Variants in LRPPRC observed in about 807,000 individuals in gnomAD.
LRPPRC encodes the protein leucine rich pentatricopeptide repeat containing, also known as leucine-rich PPR motif-containing protein, mitochondrial.
LRPPRC carries 120 observed loss-of-function variants against 180.3 expected under a neutral mutation model. The ratio of observed to expected loss-of-function variants is 0.67; its 90% CI spans 0.57 to 0.77. The LOEUF is 0.77. LRPPRC is among the 30% of genes least tolerant of loss of function. The pLI is 0.00. For synonymous variants in LRPPRC, 723 were observed against 600.0 expected (o/e 1.21, Z -3.00); for missense variants, 2,012 against 1,657.2 (o/e 1.21, Z -3.72).
intron 30 of LRPPRC, 77 bp downstream of exon 30, chr2:43,912,355 T>C (rs1671292816): frequency 1.5e-6 from 2 of 1,315,520 alleles, no homozygotes; most frequent in Admixed American, 1.7e-5. Context: ...CACAGCACAT[T>C]ACTATTATAA....
chr2:43,935,141 T>A (rs1015684944), intron 23 of LRPPRC, among the ~76,000 whole-genome samples: 2 of 152,228 alleles, frequency 1.3e-5, no homozygotes, highest in African/African-American at 2.4e-5. Flanking sequence ...GGGTACTTTA[T>A]AAAAAAGTCC....
rs150986623 is a variant in LRPPRC at position 43,979,867 on chromosome 2, G to A, written c.428C>T (p.Thr143Ile). The change falls in exon 3 of 38, where the codon ACA (threonine) becomes ATA (isoleucine). Residue 143 changes from threonine (T) to isoleucine (I), a missense_variant. By Grantham distance (89) the Thr-to-Ile change is moderately conservative. Transcript: ENST00000260665. ...GTCCCATATCCTATGAGCAAATTCT[G>A]TTCTCTCTTCAAGCTTTAGTTCAGG... ...LLPELKLEER[T>I]EFAHRIWDTL... The A allele has an allele frequency of 6.2e-7, 1 of 1,613,120 alleles. No individual in the cohort carries two copies. The highest frequency in any genetic ancestry group is 1.3e-5 in the African/African-American group (1 of 74,884).
chr2:43,966,380 TGA>T (rs754596209), intron 11 of LRPPRC, among the ~76,000 whole-genome samples: 3 of 152,024 alleles, frequency 2.0e-5, no homozygotes, highest in African/African-American at 7.2e-5. Context: ...TGATATTTGC[TGA>T]GAGAGTTGAT....
At chr2:43,964,371 C>G (rs1208922354) in intron 11 of LRPPRC, among the ~76,000 whole-genome samples, 1 of 152,144 alleles carries the variant, frequency 6.6e-6, no homozygotes, top group African/African-American at 2.4e-5. Context: ...CCAGTTAATT[C>G]TAGACAACTG....
intron 30 of LRPPRC, 97 bp from the exon 31 acceptor site, chr2:43,905,877 C>G: frequency 1.2e-6 from 1 of 843,368 alleles, no homozygotes. Flanking sequence ...AACTACTGTT[C>G]GTATGTTAAA....
chr2:43,888,113 A>G lies in LRPPRC; in HGVS notation c.*487T>C. ...TGGAAAATGATGAAGCCTAGATCTG[A>G]TGACTCCTAGTGCCAACATTTAACA... On this transcript the variant is annotated 3_prime_UTR_variant, in exon 38 of 38. Coordinates refer to ENST00000260665, the MANE Select transcript of LRPPRC (RefSeq NM_133259.4). The G allele has an allele frequency of 5.8e-6, 1 of 171,086 alleles. No individual in the cohort carries two copies. The highest frequency in any genetic ancestry group is 1.3e-5 in the Non-Finnish European group (1 of 79,668). The allele number at this position is 171,086 out of a possible 1,614,324, so 10.6% of individuals were successfully genotyped here. A position where few individuals can be genotyped will look rare whatever the true frequency, so the allele number is the denominator to read the frequency against.
chr2:43,921,706 T>C (rs753709712), intron 27 of LRPPRC, among the ~76,000 whole-genome samples: 5 of 152,180 alleles, frequency 3.3e-5, no homozygotes, highest in Non-Finnish European at 4.4e-5. Context: ...TTAGCTAGTA[T>C]AGTATTACAT....
In LRPPRC at chr2:43,979,753, A is replaced by G. The variant is rs948864313; in HGVS notation, c.469+73T>C. The G allele has an allele frequency of 3.5e-5, 48 of 1,364,410 alleles. No homozygotes were observed. In the East Asian group the frequency reaches 7.1e-4, roughly 20 times the overall value. 84.5% of individuals were successfully genotyped at this position (1,364,410 alleles called of 1,614,324 possible). On this transcript the variant is annotated intron_variant, in intron 3 of 37. Coordinates refer to ENST00000260665, the MANE Select transcript of LRPPRC (RefSeq NM_133259.4). ...TAAAACTGAATTACAGCATTTATGTAAACAAACACTTTTTTGCAAAAAGAA... is the reference window on the plus strand; with the variant it reads ...TAAAACTGAATTACAGCATTTATGTGAACAAACACTTTTTTGCAAAAAGAA...
intron 25 of LRPPRC, among the ~76,000 whole-genome samples, chr2:43,928,077 A>G (rs912374680): frequency 6.6e-6 from 1 of 152,242 alleles, no homozygotes; most frequent in Non-Finnish European, 1.5e-5. Flanking sequence ...GTGTTGCCAC[A>G]TACAATCTAT....
At chr2:43,965,829 T>G (rs555151474) in intron 11 of LRPPRC, among the ~76,000 whole-genome samples, 11 of 152,318 alleles carry the variant, frequency 7.2e-5, no homozygotes, top group African/African-American at 2.6e-4. Context: ...ACCTTACACC[T>G]GTCAGAATGG....
chr2:43,953,022 T>C (rs2103633364), intron 14 of LRPPRC, among the ~76,000 whole-genome samples: 1 of 152,300 alleles, frequency 6.6e-6, no homozygotes, highest in South Asian at 2.1e-4. Context: ...TATTTCATAG[T>C]TTCTTAAGCT....
chr2:43,976,090 T>G, intron 6 of LRPPRC, 53 bp downstream of exon 6: 2 of 1,023,922 alleles, frequency 2.0e-6, no homozygotes, highest in South Asian at 2.5e-5. Flanking sequence ...ATGACCACTT[T>G]AGCATCTCAG....
intron 2 of LRPPRC, among the ~76,000 whole-genome samples, chr2:43,981,417 T>C (rs1224320393): frequency 1.3e-5 from 2 of 152,152 alleles, no homozygotes; most frequent in Non-Finnish European, 1.5e-5. Flanking sequence ...TCCCAGCACT[T>C]TGGGAGGCCA....
intron 35 of LRPPRC, chr2:43,896,218 CTTTCTTTTTTT>C (rs1441477853): frequency 1.7e-5 from 1 of 59,568 alleles, no homozygotes; most frequent in Non-Finnish European, 3.0e-5. Flanking sequence ...TTCTTTCTTT[CTTTCTTTTTTT>C]TTTTTTTTTT....
chr2:43,932,150 A>AAAAAAAAAAAT (rs1672114469), intron 25 of LRPPRC, among the ~76,000 whole-genome samples: 1 of 146,846 alleles, frequency 6.8e-6, no homozygotes, highest in Non-Finnish European at 1.5e-5. Context: ...AAAAAAAAAA[A>AAAAAAAAAAAT]AAAGACTGGA....
chr2:43,898,841 A>G (rs964113513), intron 34 of LRPPRC, among the ~76,000 whole-genome samples: 1 of 152,222 alleles, frequency 6.6e-6, no homozygotes, highest in East Asian at 1.9e-4. Context: ...GGTGACGCAC[A>G]GTATCTAGCG....
intron 3 of LRPPRC, among the ~76,000 whole-genome samples, chr2:43,978,778 C>T (rs1674170930): frequency 6.6e-6 from 1 of 152,066 alleles, no homozygotes; most frequent in South Asian, 2.1e-4. Flanking sequence ...GTCCTACTCA[C>T]TTTTTGAAGG....
chr2:43,980,635 T>G (rs868295714), intron 2 of LRPPRC, among the ~76,000 whole-genome samples: 1 of 151,750 alleles, frequency 6.6e-6, no homozygotes, highest in South Asian at 2.1e-4. Context: ...GTAATTAACA[T>G]CTATGAATAG....
At chr2:43,888,956 A>G (rs1172124188) in intron 37 of LRPPRC, among the ~76,000 whole-genome samples, 1 of 152,208 alleles carries the variant, frequency 6.6e-6, no homozygotes, top group Admixed American at 6.5e-5. Context: ...TGTTTGAAAT[A>G]AACACGGTGT....
Sources: allele counts gnomAD v4.1 joint callset (sites outside exome capture counted in the v4.1 genomes callset), GRCh38; gene constraint gnomAD v4.1.1; transcripts MANE v1.5; gene names NCBI Gene and HGNC (gene_info 2026-07-23, HGNC 2026-07-21).